PTHLH: variants seen among roughly 807,000 people sequenced by gnomAD.
The protein encoded by PTHLH is parathyroid hormone like hormone, also known as parathyroid hormone-related protein.
A neutral mutation model predicts 18.6 loss-of-function variants in PTHLH; 5 were observed. The ratio of observed to expected loss-of-function variants is 0.27; its 90% CI spans 0.14 to 0.56. The LOEUF (loss-of-function observed/expected upper bound fraction) is 0.56, where lower values mean the gene tolerates loss of function less well. Among genes scored for constraint, PTHLH ranks in the 20% least tolerant of loss-of-function variants. The pLI is 0.92. For missense variants in PTHLH, 207 were observed against 223.9 expected, an observed-to-expected ratio of 0.92 and a Z score of 0.48; for synonymous variants, 90 against 94.0, an observed-to-expected ratio of 0.96 and a Z score of 0.25.
intron 5 of PTHLH, among the ~76,000 whole-genome samples, chr12:27,961,436 A>T (rs2120616178): frequency 6.7e-6 from 1 of 148,476 alleles, no homozygotes; most frequent in East Asian, 2.0e-4. Flanking sequence ...AAAACACCAA[A>T]ATAATATGTT....
chr12:27,962,796 GTTC>G (rs1473907637), intron 5 of PTHLH: 41 of 970,326 alleles, frequency 4.2e-5, no homozygotes, highest in Non-Finnish European at 4.9e-5. Context: ...CATAATTTAA[GTTC>G]TTTACATTAA....
chr12:27,962,231 C>T, intron 5 of PTHLH: 1 of 276,228 alleles, frequency 3.6e-6, no homozygotes, highest in South Asian at 8.1e-5. Flanking sequence ...AACATACCCC[C>T]CTAGATAGAT....
intron 2 of PTHLH, among the ~76,000 whole-genome samples, chr12:27,970,545 C>A (rs570083576): frequency 3.3e-5 from 5 of 151,836 alleles, no homozygotes; most frequent in African/African-American, 1.2e-4. Context: ...GCGCCATCCC[C>A]GTGCCGGGGG....
rs2062729388 is a variant in PTHLH at position 27,958,479 on chromosome 12, A to G, written c.*80T>C. 7 of 1,344,442 alleles carry G rather than the reference A, an allele frequency of 5.2e-6. No homozygotes were observed. The highest frequency in any genetic ancestry group is 1.8e-4 in the Middle Eastern group (1 of 5,480). 83.3% of individuals were successfully genotyped at this position (1,344,442 alleles called of 1,614,324 possible). On this transcript the variant is annotated 3_prime_UTR_variant, in exon 6 of 6. Transcript: ENST00000545234. Reference sequence around the variant, plus strand: ...AATGCATTTACAGTATTTACAGACAATAAATATTTCTAATACTTTCCATAT... The same window carrying G: ...AATGCATTTACAGTATTTACAGACAGTAAATATTTCTAATACTTTCCATAT...
chr12:27,964,869 G>A lies in PTHLH; in HGVS notation c.102-1099C>T, dbSNP rs191776310. Among the ~76,000 whole-genome samples, 441 of 152,012 alleles carry A rather than the reference G, an allele frequency of 2.9e-3. 2 individuals are homozygous for A. Among genetic ancestry groups the A allele is most frequent in the Middle Eastern group, 0.014 (4 of 294 alleles). On this transcript the variant is annotated intron_variant, in intron 4 of 5. Coordinates refer to ENST00000545234, the MANE Select transcript of PTHLH (RefSeq NM_198965.2). The stretch of plus-strand genomic sequence containing the variant: ...TGTGTATATTATTAACCATATTTAC[G>A]GACTGCATCTGTTAATCAGTCATAT...
At chr12:27,966,028 T>G (rs1292977929) in intron 4 of PTHLH, among the ~76,000 whole-genome samples, 1 of 152,220 alleles carries the variant, frequency 6.6e-6, no homozygotes, top group Non-Finnish European at 1.5e-5. Flanking sequence ...GTAGCCCATT[T>G]TAGCTTAACT....
intron 5 of PTHLH, among the ~76,000 whole-genome samples, chr12:27,958,837 A>C (rs1422252533): frequency 1.3e-5 from 2 of 152,238 alleles, no homozygotes; most frequent in Non-Finnish European, 2.9e-5. Context: ...GCTGTCAGAA[A>C]AAGGAGACTG....
intron 5 of PTHLH, among the ~76,000 whole-genome samples, chr12:27,959,218 T>C (rs1565519020): frequency 6.6e-6 from 1 of 152,230 alleles, no homozygotes; most frequent in Non-Finnish European, 1.5e-5. Flanking sequence ...TATTGGATTT[T>C]GTAGTAGTTT....
At chr12:27,963,808 A>G (rs1447863715) in intron 4 of PTHLH, 38 bp from the exon 5 acceptor site, 5 of 1,600,398 alleles carry the variant, frequency 3.1e-6, no homozygotes, top group Non-Finnish European at 4.3e-6. Context: ...AAAACAGTTA[A>G]ATTTTAGTTG....
At chr12:27,962,527 C>A (rs967019024) in intron 5 of PTHLH, 1 of 984,756 alleles carries the variant, frequency 1.0e-6, no homozygotes, top group African/African-American at 1.7e-5. Context: ...GTTATTTGAT[C>A]CCAAAGTCTA....
At chr12:27,966,974 T>G (rs1487852320) in intron 4 of PTHLH, among the ~76,000 whole-genome samples, 1 of 152,236 alleles carries the variant, frequency 6.6e-6, no homozygotes, top group East Asian at 1.9e-4. Context: ...AGAAAAGTTC[T>G]GTGGTACATG....
At chr12:27,959,659 A>G (rs1330937411) in intron 5 of PTHLH, among the ~76,000 whole-genome samples, 1 of 152,202 alleles carries the variant, frequency 6.6e-6, no homozygotes, top group East Asian at 1.9e-4. Context: ...GCATATTCTT[A>G]ACAATTTTGG....
chr12:27,971,190 T>C (rs2062869188), intron 2 of PTHLH, among the ~76,000 whole-genome samples: 1 of 152,062 alleles, frequency 6.6e-6, no homozygotes, highest in Admixed American at 6.5e-5. Context: ...CTTGGAAGAC[T>C]GTATCCGAGT....
At chr12:27,962,069 C>G in intron 5 of PTHLH, 1 of 597,202 alleles carries the variant, frequency 1.7e-6, no homozygotes, top group Non-Finnish European at 2.9e-6. Context: ...AAACATAGCA[C>G]TGTCTACGTG....
At chr12:27,970,986 G>C (rs886953069) in intron 2 of PTHLH, among the ~76,000 whole-genome samples, 2 of 152,152 alleles carry the variant, frequency 1.3e-5, no homozygotes, top group African/African-American at 4.8e-5. Context: ...TTTCAGAACT[G>C]CTGGGAGACA....
chr12:27,972,214 T>C (rs540495618), intron 1 of PTHLH, among the ~76,000 whole-genome samples, 195 bp from the exon 2 acceptor site: 1 of 152,268 alleles, frequency 6.6e-6, no homozygotes, highest in South Asian at 2.1e-4. Context: ...AAAAATCAGA[T>C]TGAAATTATC....
chr12:27,969,721 CCACA>C, intron 3 of PTHLH: 1 of 745,546 alleles, frequency 1.3e-6, no homozygotes, highest in Non-Finnish European at 2.5e-6. Context: ...TTTCTCCAAA[CCACA>C]CAGCCAGAAA....
Position 27,958,492 on chromosome 12 carries a change from A to C in PTHLH, c.*67T>G, listed in dbSNP as rs1271620246. On this transcript the variant is annotated 3_prime_UTR_variant, in exon 6 of 6. Transcript: ENST00000545234. ...TATTTACAGACAATAAATATTTCTA[A>C]TACTTTCCATATGTTCACTATTACA... is the stretch of plus-strand genomic sequence containing the variant. The C allele has an allele frequency of 7.0e-7, 1 of 1,427,738 alleles. No homozygotes were observed. The highest frequency in any genetic ancestry group is 9.5e-7 in the Non-Finnish European group (1 of 1,049,976). The allele number at this position is 1,427,738 out of a possible 1,614,324, so 88.4% of individuals were successfully genotyped here.
chr12:27,962,037 T>A, intron 5 of PTHLH: 1 of 636,612 alleles, frequency 1.6e-6, no homozygotes, highest in Non-Finnish European at 2.8e-6. Context: ...TCAATGGAAA[T>A]GCATCGATAA....
Sources: gnomAD v4.1 joint callset for allele counts (sites outside exome capture counted in the v4.1 genomes callset) on GRCh38, gnomAD v4.1.1 for gene constraint, MANE v1.5 for transcripts, NCBI Gene and HGNC (gene_info 2026-07-23, HGNC 2026-07-21) for gene names.